Variants in AMOTL1 observed in about 807,000 individuals in gnomAD.
AMOTL1 encodes angiomotin-like protein 1.
AMOTL1 carries 45 observed loss-of-function variants against 102.9 expected under a neutral mutation model. That is an observed-to-expected ratio of 0.44 (90% confidence interval 0.34 to 0.56). The LOEUF (loss-of-function observed/expected upper bound fraction) is 0.56, where lower values mean the gene tolerates loss of function less well. AMOTL1 is among the 20% of genes least tolerant of loss of function. The probability of loss-of-function intolerance (pLI) is 0.01; values close to 1 mark genes in which losing one functional copy is unlikely to be tolerated. For synonymous variants in AMOTL1, 481 were observed against 484.7 expected, an observed-to-expected ratio of 0.99 and a Z score of 0.10; for missense variants, 1,114 against 1,225.6, an observed-to-expected ratio of 0.91 and a Z score of 1.36.
intron 6 of AMOTL1, among the ~76,000 whole-genome samples, chr11:94,842,835 C>T (rs1952333836): frequency 1.3e-5 from 2 of 152,202 alleles, no homozygotes; most frequent in Non-Finnish European, 2.9e-5. Context: ...TCTCCCTTCC[C>T]TCCCTTCCCT....
intron 1 of AMOTL1, among the ~76,000 whole-genome samples, chr11:94,713,751 T>C (rs1950053190): frequency 6.6e-6 from 1 of 151,976 alleles, no homozygotes; most frequent in African/African-American, 2.4e-5. Flanking sequence ...TTGAACTCAT[T>C]AGGTCTAGGT....
chr11:94,727,573 G>A (rs1304340233), intron 1 of AMOTL1, among the ~76,000 whole-genome samples: 1 of 152,122 alleles, frequency 6.6e-6, no homozygotes, highest in Non-Finnish European at 1.5e-5. Flanking sequence ...ATTATTATAG[G>A]CTGCAAGTCT....
chr11:94,724,476 A>C (rs1950223842), intron 1 of AMOTL1, among the ~76,000 whole-genome samples: 1 of 152,154 alleles, frequency 6.6e-6, no homozygotes, highest in Admixed American at 6.5e-5. Flanking sequence ...TGGCTGAATA[A>C]GCATATACTG....
chr11:94,846,425 T>C (rs971822063), intron 6 of AMOTL1, among the ~76,000 whole-genome samples: 3 of 152,210 alleles, frequency 2.0e-5, no homozygotes, highest in African/African-American at 4.8e-5. Flanking sequence ...ATAGGTACTA[T>C]TGTGATGCTT....
intron 1 of AMOTL1, among the ~76,000 whole-genome samples, chr11:94,708,849 C>A (rs1949974166): frequency 1.3e-5 from 2 of 152,120 alleles, no homozygotes; most frequent in Non-Finnish European, 2.9e-5. Flanking sequence ...TGTAGTACTA[C>A]CAATTGAGTA....
chr11:94,765,260 G>C (rs1315072590), upstream of AMOTL1, among the ~76,000 whole-genome samples: 1 of 152,150 alleles, frequency 6.6e-6, no homozygotes, highest in East Asian at 1.9e-4. Flanking sequence ...GATGTGGACT[G>C]GTTCACTACC....
intron 2 of AMOTL1, among the ~76,000 whole-genome samples, chr11:94,735,094 C>T (rs151271973): frequency 0.015 from 2,271 of 152,328 alleles, 29 homozygotes; most frequent in Middle Eastern, 0.037. Flanking sequence ...AGCTATGTAA[C>T]CCCTGGGGGC....
At chr11:94,831,304 GTTAC>G in intron 5 of AMOTL1, 144 bp from the exon 6 acceptor site, 1 of 567,502 alleles carries the variant, frequency 1.8e-6, no homozygotes, top group Non-Finnish European at 3.1e-6. Context: ...TTGGGACATA[GTTAC>G]TGTCTGTCCC....
In AMOTL1 at chr11:94,870,743, T is replaced by A; in HGVS notation, c.2819T>A (p.Leu940Ter). The change falls in exon 13 of 13, where the codon TTG becomes TAG. Residue 940 changes from leucine (L) to a stop codon, truncating the protein, a stop_gained. Transcript: ENST00000433060. LOFTEE classifies it high-confidence loss of function. Reference protein sequence around the residue: ...SPDHRGRVSSLLHKPEFPDGE... With the variant: ...SPDHRGRVSS ...GACCACAGAGGCCGGGTCAGCAGCT[T>A]GCTGCACAAGCCCGAGTTCCCTGAT... 6.2e-7 allele frequency: 1 copy of A among 1,604,508 alleles called. No individual in the cohort carries two copies. Among genetic ancestry groups the A allele is most frequent in the Non-Finnish European group, 8.5e-7 (1 of 1,174,738 alleles).
chr11:94,743,556 C>T (rs568055273), intron 3 of AMOTL1, among the ~76,000 whole-genome samples: 5 of 150,928 alleles, frequency 3.3e-5, no homozygotes, highest in African/African-American at 9.7e-5. Flanking sequence ...GCCATTCTTT[C>T]GGGAGCACAG....
intron 1 of AMOTL1, among the ~76,000 whole-genome samples, chr11:94,774,552 G>A (rs2847506): frequency 0.91 from 138,002 of 152,222 alleles, 63,097 homozygotes; most frequent in Non-Finnish European, 0.99. Flanking sequence ...AATTAATTGG[G>A]TCTTAGATGT....
In AMOTL1 at chr11:94,803,995, ATTTT is replaced by A. The variant is rs1379433465; in HGVS notation, c.1121+3687_1121+3690del. ...CACAAGCTTTTTTCCACAATCCTTTATTTTTTCAAAACCAACATTTTTATTGCTG... is the reference window on the plus strand; with the variant it reads ...CACAAGCTTTTTTCCACAATCCTTTATTCAAAACCAACATTTTTATTGCTG... On this transcript the variant is annotated intron_variant, in intron 3 of 12. Coordinates refer to ENST00000433060, the MANE Select transcript of AMOTL1 (RefSeq NM_130847.3). Among the ~76,000 whole-genome samples, 13 of 152,150 alleles carry A rather than the reference ATTTT, an allele frequency of 8.5e-5. No individual in the cohort carries two copies. In the East Asian group the frequency reaches 1.9e-3, roughly 23 times the overall value.
At chr11:94,805,912 T>C (rs2135585440) in intron 3 of AMOTL1, among the ~76,000 whole-genome samples, 1 of 152,326 alleles carries the variant, frequency 6.6e-6, no homozygotes, top group African/African-American at 2.4e-5. Context: ...AGGACAGCCA[T>C]CACCACCACC....
chr11:94,825,836 A>G (rs1405270417), intron 4 of AMOTL1, among the ~76,000 whole-genome samples: 1 of 152,244 alleles, frequency 6.6e-6, no homozygotes, highest in East Asian at 1.9e-4. Context: ...AAATGAGTCT[A>G]CTTCAACTTC....
At chr11:94,844,088 C>T (rs758343099) in intron 6 of AMOTL1, among the ~76,000 whole-genome samples, 8 of 152,124 alleles carry the variant, frequency 5.3e-5, no homozygotes, top group Non-Finnish European at 8.8e-5. Flanking sequence ...CCTCTAAAAT[C>T]AGTTATTAGC....
chr11:94,718,256 T>G (rs985323073), intron 1 of AMOTL1, among the ~76,000 whole-genome samples: 4 of 152,042 alleles, frequency 2.6e-5, no homozygotes, highest in African/African-American at 9.6e-5. Flanking sequence ...TCCTGACTTA[T>G]CAGTTCTTAT....
At chr11:94,813,870 T>A (rs2135603305) in intron 3 of AMOTL1, among the ~76,000 whole-genome samples, 1 of 152,306 alleles carries the variant, frequency 6.6e-6, no homozygotes. Context: ...AGAGGTTCTC[T>A]TGGTAAGAGC....
intron 3 of AMOTL1, among the ~76,000 whole-genome samples, chr11:94,820,905 T>C (rs527683606): frequency 1.3e-5 from 2 of 152,314 alleles, no homozygotes; most frequent in South Asian, 4.1e-4. Flanking sequence ...GGCAGTAATG[T>C]GAACCATCGG....
intron 2 of AMOTL1, among the ~76,000 whole-genome samples, chr11:94,795,369 C>G (rs1431006664): frequency 1.3e-5 from 2 of 152,168 alleles, no homozygotes; most frequent in African/African-American, 4.8e-5. Context: ...ATATGTGACT[C>G]TGTCTGAGAG....
Sources: gnomAD v4.1 joint callset for allele counts (sites outside exome capture counted in the v4.1 genomes callset) on GRCh38, gnomAD v4.1.1 for gene constraint, MANE v1.5 for transcripts, NCBI Gene and HGNC (gene_info 2026-07-23, HGNC 2026-07-21) for gene names.